The following EFR3A variants were observed in gnomAD, a reference collection of about 807,000 sequenced individuals.
EFR3A encodes the protein EFR3 homolog A.
EFR3A carries 76 observed loss-of-function variants against 104.4 expected under a neutral mutation model. The ratio of observed to expected loss-of-function variants is 0.73; its 90% CI spans 0.60 to 0.88. The LOEUF (loss-of-function observed/expected upper bound fraction) is 0.88, where lower values mean the gene tolerates loss of function less well. EFR3A is among the 40% of genes least tolerant of loss of function. The pLI is 0.00. For synonymous variants in EFR3A, 330 were observed against 330.0 expected (o/e 1.00, Z 0.00); for missense variants, 985 against 1,012.5 (o/e 0.97, Z 0.37).
rs760443444 is a variant in EFR3A, at chr8:131,978,990, T to G, written c.1470T>G (p.His490Gln). 3.7e-6 allele frequency: 6 copies of G among 1,612,540 alleles called. No homozygotes were observed. The East Asian group carries it at 1.3e-4, about 36-fold the overall frequency. The change falls in exon 13 of 23, where the codon CAT becomes CAG. Residue 490 changes from histidine to glutamine, a missense_variant. Coordinates refer to ENST00000254624, the MANE Select transcript of EFR3A (RefSeq NM_015137.6). ...TAATGCATAATCTCATGGATCGTCA[T>G]GACAATAGGGCAAAGCTTCGAGGGA... ...LEVMHNLMDR[H>Q]DNRAKLRGIR...
chr8:131,995,844 G>A (rs1280177269), intron 18 of EFR3A, among the ~76,000 whole-genome samples: 1 of 152,124 alleles, frequency 6.6e-6, no homozygotes, highest in African/African-American at 2.4e-5. Context: ...AATAACAACA[G>A]CTGATGGAGA....
intron 18 of EFR3A, among the ~76,000 whole-genome samples, chr8:131,991,327 G>A (rs1377574250): frequency 2.6e-5 from 4 of 152,130 alleles, no homozygotes; most frequent in Non-Finnish European, 5.9e-5. Context: ...GTTGAGACTT[G>A]GGTGGGGACA....
chr8:131,951,957 AT>A (rs900942740), intron 5 of EFR3A, among the ~76,000 whole-genome samples: 1 of 152,016 alleles, frequency 6.6e-6, no homozygotes, highest in African/African-American at 2.4e-5. Context: ...CAGTCCCTTT[AT>A]TTTTTTACCA....
intron 1 of EFR3A, among the ~76,000 whole-genome samples, chr8:131,907,854 C>T (rs1431441031): frequency 6.6e-6 from 1 of 151,384 alleles, no homozygotes. Context: ...TTCCTCCCTT[C>T]TTCTACCCAC....
chr8:131,909,624 C>G (rs1816417057), intron 1 of EFR3A, among the ~76,000 whole-genome samples: 1 of 152,120 alleles, frequency 6.6e-6, no homozygotes, highest in African/African-American at 2.4e-5. Context: ...AGGTCTGAGA[C>G]AAGAATACAA....
At chr8:132,000,480 G>T (rs1429240858) in intron 19 of EFR3A, among the ~76,000 whole-genome samples, 1 of 152,090 alleles carries the variant, frequency 6.6e-6, no homozygotes, top group African/African-American at 2.4e-5. Flanking sequence ...CTGAATTAAG[G>T]CAAACAGGGA....
At chr8:131,975,398 CT>C (rs890481059) in intron 10 of EFR3A, among the ~76,000 whole-genome samples, 5 of 125,284 alleles carry the variant, frequency 4.0e-5, no homozygotes, top group African/African-American at 8.6e-5. Flanking sequence ...ATTTTTCCTT[CT>C]TTTTTTTTTC....
At chr8:132,006,952 C>A (rs1373284489) in intron 22 of EFR3A, among the ~76,000 whole-genome samples, 1 of 151,736 alleles carries the variant, frequency 6.6e-6, no homozygotes, top group Non-Finnish European at 1.5e-5. Flanking sequence ...TGAAAAAGCT[C>A]AATGTTCATT....
chr8:131,932,043 G>A (rs1001333431), intron 1 of EFR3A, among the ~76,000 whole-genome samples: 2 of 152,010 alleles, frequency 1.3e-5, no homozygotes, highest in Non-Finnish European at 2.9e-5. Context: ...TTCCTTTGAA[G>A]CTTGAAACCA....
intron 1 of EFR3A, among the ~76,000 whole-genome samples, chr8:131,922,539 G>T (rs1393410162): frequency 1.3e-5 from 2 of 152,064 alleles, no homozygotes; most frequent in East Asian, 1.9e-4. Flanking sequence ...CTTTACTGGG[G>T]TTAGGACTTA....
intron 8 of EFR3A, among the ~76,000 whole-genome samples, chr8:131,964,491 A>C (rs969340912): frequency 2.0e-5 from 3 of 152,042 alleles, no homozygotes; most frequent in Non-Finnish European, 4.4e-5. Flanking sequence ...AAGAGAATAA[A>C]ATACCTAGGA....
intron 2 of EFR3A, among the ~76,000 whole-genome samples, chr8:131,944,112 T>C (rs533198131): frequency 6.6e-6 from 1 of 152,200 alleles, no homozygotes; most frequent in South Asian, 2.1e-4. Context: ...CAACACTTAC[T>C]TGGGTTATAT....
At chr8:131,946,693 C>A (rs934142649) in intron 4 of EFR3A, 60 bp downstream of exon 4, 8 of 1,403,660 alleles carry the variant, frequency 5.7e-6, no homozygotes, top group Non-Finnish European at 7.5e-6. Context: ...GAATTAATTA[C>A]TTCTTAGAAT....
intron 3 of EFR3A, 121 bp from the exon 4 acceptor site, chr8:131,946,362 A>G (rs9297837): frequency 2.2e-6 from 2 of 925,608 alleles, no homozygotes; most frequent in African/African-American, 3.4e-5. Flanking sequence ...AGGAGTTACT[A>G]AATTTGCATT....
At chr8:131,904,424 C>A in intron 1 of EFR3A, 102 bp downstream of exon 1, 1 of 1,104,686 alleles carries the variant, frequency 9.1e-7, no homozygotes, top group Non-Finnish European at 1.1e-6. Context: ...CTGGGCCGCG[C>A]TGAGCAGAGC....
At chr8:131,923,544 A>G (rs1449129937) in intron 1 of EFR3A, among the ~76,000 whole-genome samples, 2 of 148,810 alleles carry the variant, frequency 1.3e-5, no homozygotes, top group Non-Finnish European at 3.0e-5. Flanking sequence ...TGCCACATTC[A>G]GATGACTTCT....
chr8:131,928,244 A>G (rs1442427124), intron 1 of EFR3A, among the ~76,000 whole-genome samples: 2 of 151,640 alleles, frequency 1.3e-5, no homozygotes, highest in African/African-American at 4.9e-5. Flanking sequence ...GTGTATTATA[A>G]GAATAAGATA....
intron 8 of EFR3A, among the ~76,000 whole-genome samples, chr8:131,965,483 G>A (rs1330843284): frequency 1.3e-5 from 2 of 152,208 alleles, no homozygotes; most frequent in Non-Finnish European, 2.9e-5. Context: ...CTGGCCATCA[G>A]ATAAATGCAA....
Position 131,970,467 on chromosome 8 carries a change from C to A in EFR3A, c.992-9C>A, listed in dbSNP as rs1444799117. ...ACATGTATCTTCTCACATAAGTGAT[C>A]CTTTATAGGTCCGACAGTGCTGGAA... On this transcript the variant is annotated splice_polypyrimidine_tract_variant and intron_variant, in intron 9 of 22. Coordinates refer to ENST00000254624, the MANE Select transcript of EFR3A (RefSeq NM_015137.6). 3 of 1,612,106 alleles carry A rather than the reference C, an allele frequency of 1.9e-6. No homozygotes were observed. Among genetic ancestry groups the A allele is most frequent in the Non-Finnish European group, 8.5e-7 (1 of 1,178,790 alleles).
Sources: gnomAD v4.1 joint callset for allele counts (sites outside exome capture counted in the v4.1 genomes callset) on GRCh38, gnomAD v4.1.1 for gene constraint, MANE v1.5 for transcripts, NCBI Gene and HGNC (gene_info 2026-07-23, HGNC 2026-07-21) for gene names.